FBXL13: variants seen among roughly 807,000 people sequenced by gnomAD.
The protein encoded by FBXL13 is F-box and leucine-rich repeat protein 13.
FBXL13 carries 67 observed loss-of-function variants against 83.6 expected under a neutral mutation model. That is an observed-to-expected ratio of 0.80 (90% CI 0.66 to 0.98). The LOEUF is 0.98. Ranked by LOEUF, FBXL13 falls within the 50% of genes least tolerant of loss-of-function variation. The probability of loss-of-function intolerance (pLI) is 0.00; values close to 1 mark genes in which losing one functional copy is unlikely to be tolerated. For synonymous variants in FBXL13, 272 were observed against 299.5 expected (o/e 0.91, Z 0.95); for missense variants, 822 against 866.5 (o/e 0.95, Z 0.64).
chr7:102,956,172 A>G (rs1824239173), intron 8 of FBXL13, among the ~76,000 whole-genome samples: 1 of 152,154 alleles, frequency 6.6e-6, no homozygotes, highest in African/African-American at 2.4e-5. Context: ...GCACATCAAA[A>G]AGCTTATCCA....
chr7:103,073,127 T>C (rs1799160660), intron 1 of FBXL13, among the ~76,000 whole-genome samples: 1 of 152,210 alleles, frequency 6.6e-6, no homozygotes, highest in African/African-American at 2.4e-5. Flanking sequence ...TTCTCCATCT[T>C]TTCCCCCAAA....
chr7:102,877,711 C>G, intron 15 of FBXL13, 118 bp from the exon 17 acceptor site: 1 of 1,046,006 alleles, frequency 9.6e-7, no homozygotes, highest in Non-Finnish European at 1.4e-6. Flanking sequence ...TTTTCCTTTA[C>G]TCAACATAAA....
In FBXL13 at chr7:102,968,241, G is replaced by C. The variant is rs1190552724; in HGVS notation, c.496-124C>G. The C allele has an allele frequency of 6.7e-6, 4 of 600,294 alleles. No individual in the cohort carries two copies. In the East Asian group the frequency reaches 1.1e-4, roughly 17 times the overall value. 37.2% of individuals were successfully genotyped at this position (600,294 alleles called of 1,614,324 possible). A position where few individuals can be genotyped will look rare whatever the true frequency, so the allele number is the denominator to read the frequency against. ...CACACACACGCATTAGTAATAATAAGGTAATCCATACTTTGCAAATAGCAA... is the reference window on the plus strand; with the variant it reads ...CACACACACGCATTAGTAATAATAACGTAATCCATACTTTGCAAATAGCAA... On this transcript the variant is annotated intron_variant, in intron 6 of 19. Coordinates refer to ENST00000313221, the Ensembl canonical transcript of FBXL13.
chr7:103,055,803 A>G (rs921942691), intron 1 of FBXL13, 56 bp from the exon 2 acceptor site: 2 of 721,064 alleles, frequency 2.8e-6, no homozygotes, highest in Admixed American at 6.4e-5. Context: ...GTTTTTACTA[A>G]GCAGCACGTA....
intron 8 of FBXL13, chr7:102,944,568 C>A (rs752776711): frequency 6.2e-7 from 1 of 1,610,802 alleles, no homozygotes; most frequent in East Asian, 2.2e-5. Flanking sequence ...GAGATCACAC[C>A]GCAAAGAAGC....
At chr7:103,012,630 A>G (rs960313481) in intron 6 of FBXL13, among the ~76,000 whole-genome samples, 1 of 152,202 alleles carries the variant, frequency 6.6e-6, no homozygotes, top group Admixed American at 6.5e-5. Flanking sequence ...ACCAACAGAC[A>G]TGCCTTACAA....
At chr7:102,891,542 A>G (rs1487755665) in intron 11 of FBXL13, among the ~76,000 whole-genome samples, 1 of 152,246 alleles carries the variant, frequency 6.6e-6, no homozygotes, top group Admixed American at 6.5e-5. Flanking sequence ...TAGACCAAGT[A>G]GTTGTTGAAT....
chr7:102,987,129 A>G (rs1031367774), intron 6 of FBXL13, among the ~76,000 whole-genome samples: 1 of 152,158 alleles, frequency 6.6e-6, no homozygotes, highest in South Asian at 2.1e-4. Flanking sequence ...ACAGAGTGGT[A>G]TAATAGACAC....
chr7:103,050,426 C>T (rs951895743), intron 2 of FBXL13, among the ~76,000 whole-genome samples: 2 of 152,120 alleles, frequency 1.3e-5, no homozygotes, highest in Non-Finnish European at 2.9e-5. Context: ...TCGTTTTGGC[C>T]AGAACAAAAC....
At chr7:102,890,871 C>T (rs938814764) in intron 11 of FBXL13, among the ~76,000 whole-genome samples, 1 of 152,144 alleles carries the variant, frequency 6.6e-6, no homozygotes, top group Non-Finnish European at 1.5e-5. Context: ...GTTTCTGTAC[C>T]ACCTCCAGCT....
At chr7:103,000,183 G>C (rs11520933) in intron 6 of FBXL13, among the ~76,000 whole-genome samples, 30 of 151,910 alleles carry the variant, frequency 2.0e-4, no homozygotes, top group Non-Finnish European at 4.1e-4. Context: ...GGAGTATGTT[G>C]GTCAATTTCC....
At chr7:102,836,810 T>G (rs201794393) in intron 17 of FBXL13, among the ~76,000 whole-genome samples, 2 of 148,162 alleles carry the variant, frequency 1.3e-5, no homozygotes, top group East Asian at 2.7e-4. Context: ...AATAATGTGC[T>G]TCTGCCAAAA....
chr7:102,981,006 A>C (rs1162839758), intron 6 of FBXL13, among the ~76,000 whole-genome samples: 1 of 152,184 alleles, frequency 6.6e-6, no homozygotes, highest in Non-Finnish European at 1.5e-5. Flanking sequence ...AAATGCCAGC[A>C]ATTAAATGAG....
chr7:103,028,494 T>A (rs1794171504), intron 4 of FBXL13, 106 bp downstream of exon 5: 1 of 719,790 alleles, frequency 1.4e-6, no homozygotes, highest in Non-Finnish European at 2.1e-6. Context: ...TGTCTAGACA[T>A]AAAAATGATA....
At chr7:103,033,135 C>T (rs778993403) in intron 2 of FBXL13, among the ~76,000 whole-genome samples, 1 of 152,182 alleles carries the variant, frequency 6.6e-6, no homozygotes, top group East Asian at 1.9e-4. Flanking sequence ...TTTTGACAGA[C>T]AAGAGACTAA....
At chr7:102,834,138 G>GAA (rs72255394) in intron 17 of FBXL13, among the ~76,000 whole-genome samples, 2 of 123,936 alleles carry the variant, frequency 1.6e-5, no homozygotes, top group African/African-American at 6.6e-5. Flanking sequence ...AAGAAAGAAA[G>GAA]AAAAGAGAAG....
In FBXL13 at chr7:102,974,387, A is replaced by AAAAC. The variant is rs1007157464; in HGVS notation, c.496-6274_496-6271dup. ...CCTGGGCGACAGAGTGAGAGTCCGT[A>AAAAC]AAACAAACAAACAAACAAAAACCTG... On this transcript the variant is annotated intron_variant, in intron 6 of 19. Transcript: ENST00000313221. Among the ~76,000 whole-genome samples the AAAAC allele has an allele frequency of 3.9e-5, 6 of 151,902 alleles. 1 individual carries two copies. Among genetic ancestry groups the AAAAC allele is most frequent in the Non-Finnish European group, 7.4e-5 (5 of 67,942 alleles).
rs189092497 is a variant in FBXL13, at chr7:103,018,776, C to T, written c.495+6287G>A. ...GGATCAATTCAACAAGAAGAGATAA[C>T]TATACTAAATATGTATGCATCCAAT... is the stretch of plus-strand genomic sequence containing the variant. On this transcript the variant is annotated intron_variant, in intron 6 of 19. Transcript: ENST00000313221. 2.2e-3 allele frequency among the ~76,000 whole-genome samples: 339 copies of T among 152,298 alleles called. 1 individual carries two copies. Among genetic ancestry groups the T allele is most frequent in the South Asian group, 4.8e-3 (23 of 4,832 alleles).
intron 6 of FBXL13, among the ~76,000 whole-genome samples, chr7:102,982,607 G>A (rs1279104637): frequency 1.3e-5 from 2 of 152,158 alleles, no homozygotes; most frequent in African/African-American, 4.8e-5. Context: ...CCAGGAGCAT[G>A]GACCCATTGA....
Sources: gnomAD v4.1 joint callset for allele counts (sites outside exome capture counted in the v4.1 genomes callset) on GRCh38, gnomAD v4.1.1 for gene constraint, MANE v1.5 for transcripts, NCBI Gene and HGNC (gene_info 2026-07-23, HGNC 2026-07-21) for gene names.